Variants in STK32B observed in about 807,000 individuals in gnomAD.
STK32B encodes the protein serine/threonine-protein kinase 32B.
Under a neutral mutation model 52.6 loss-of-function variants are expected in STK32B, and 43 were observed. The ratio of observed to expected loss-of-function variants is 0.82; its 90% CI spans 0.64 to 1.05. The LOEUF (loss-of-function observed/expected upper bound fraction) is 1.05. Among genes scored for constraint, STK32B ranks in the 50% least tolerant of loss-of-function variants. STK32B has a pLI of 0.00. For synonymous variants in STK32B, 238 were observed against 204.3 expected, an observed-to-expected ratio of 1.17 and a Z score of -1.41; for missense variants, 621 against 534.6, an observed-to-expected ratio of 1.16 and a Z score of -1.59.
chr4:5,108,951 T>A (rs77732340), intron 1 of STK32B, among the ~76,000 whole-genome samples: 1 of 152,230 alleles, frequency 6.6e-6, no homozygotes, highest in South Asian at 2.1e-4. Context: ...GCAATTTCTA[T>A]GCAAACACTC....
intron 6 of STK32B, among the ~76,000 whole-genome samples, chr4:5,439,234 T>G (rs1714455559): frequency 2.8e-5 from 4 of 143,046 alleles, no homozygotes; most frequent in African/African-American, 1.0e-4. Context: ...GTGAAAGTGT[T>G]CCTATTTCTC....
intron 11 of STK32B, among the ~76,000 whole-genome samples, chr4:5,494,685 T>A (rs1198178742): frequency 2.0e-5 from 3 of 152,178 alleles, no homozygotes; most frequent in Admixed American, 1.3e-4. Flanking sequence ...GGTCTTTACA[T>A]TTTGGCATGA....
chr4:5,113,698 C>T (rs1051775139), intron 1 of STK32B, among the ~76,000 whole-genome samples: 11 of 152,168 alleles, frequency 7.2e-5, no homozygotes, highest in Admixed American at 4.6e-4. Flanking sequence ...TCAAAGCCTC[C>T]GCAGCCCCTC....
At chr4:5,182,272 G>A (rs570128539) in intron 3 of STK32B, among the ~76,000 whole-genome samples, 30 of 152,200 alleles carry the variant, frequency 2.0e-4, no homozygotes, top group African/African-American at 7.0e-4. Flanking sequence ...AGTCACCCCT[G>A]AAGGTTGAGT....
chr4:5,328,473 T>C (rs927689296), intron 3 of STK32B, among the ~76,000 whole-genome samples: 2 of 152,162 alleles, frequency 1.3e-5, no homozygotes, highest in Non-Finnish European at 2.9e-5. Flanking sequence ...TTGTTATGCC[T>C]CAGGGAATAG....
chr4:5,353,067 C>T (rs1183368223), intron 4 of STK32B, among the ~76,000 whole-genome samples: 1 of 151,910 alleles, frequency 6.6e-6, no homozygotes, highest in Non-Finnish European at 1.5e-5. Flanking sequence ...ACACATAGAT[C>T]AATGGGAAAA....
chr4:5,391,302 G>A (rs1736583497), intron 4 of STK32B, among the ~76,000 whole-genome samples: 1 of 152,066 alleles, frequency 6.6e-6, no homozygotes, highest in South Asian at 2.1e-4. Flanking sequence ...CTGGATTTAG[G>A]GCTCAGCCTA....
intron 6 of STK32B, among the ~76,000 whole-genome samples, chr4:5,418,131 G>A (rs983034435): frequency 3.3e-5 from 5 of 152,328 alleles, no homozygotes; most frequent in East Asian, 1.9e-4. Flanking sequence ...GATGCACTGG[G>A]GAACCATTAA....
intron 7 of STK32B, among the ~76,000 whole-genome samples, chr4:5,454,206 C>T (rs1716291548): frequency 6.6e-6 from 1 of 152,168 alleles, no homozygotes; most frequent in Admixed American, 6.5e-5. Flanking sequence ...AGTCAGCCAC[C>T]TCCTGGAGTG....
At chr4:5,032,476 C>CAAAAAAAAAAA in the STK32B span, among the ~76,000 whole-genome samples, 2 of 49,708 alleles carry the variant, frequency 4.0e-5, no homozygotes, top group Non-Finnish European at 7.0e-5. Flanking sequence ...GACTCCATCT[C>CAAAAAAAAAAA]AAAAAAAAAA....
In STK32B at chr4:5,407,073, C is replaced by T. The variant is rs142004178; in HGVS notation, c.472+8829C>T. Among the ~76,000 whole-genome samples the T allele has an allele frequency of 8.1e-3, 1,229 of 152,230 alleles. 18 individuals are homozygous for T. Among genetic ancestry groups the T allele is most frequent in the African/African-American group, 0.028 (1,162 of 41,504 alleles). ...GAATATAAACATAGGCTGTTAGAGG[C>T]AGCCAAGCCACATCTTGAACATTTT... On this transcript the variant is annotated intron_variant, in intron 5 of 11. Transcript: ENST00000282908.
intron 1 of STK32B, among the ~76,000 whole-genome samples, chr4:5,099,454 G>GCGTGCGCGCGCACGCGCGCGCGCA (rs1553823531): frequency 7.7e-6 from 1 of 129,744 alleles, no homozygotes; most frequent in African/African-American, 2.6e-5. Flanking sequence ...GTGTGTGCGC[G>GCGTGCGCGCGCACGCGCGCGCGCA]CGCGCGTATG....
rs1198525108 is a variant in STK32B at position 5,460,253 on chromosome 4, C to T, written c.909+25C>T. 3 of 1,596,590 alleles carry T rather than the reference C, an allele frequency of 1.9e-6. No individual in the cohort carries two copies. Among genetic ancestry groups the T allele is most frequent in the Non-Finnish European group, 2.6e-6 (3 of 1,171,198 alleles). On this transcript the variant is annotated intron_variant, in intron 9 of 11. Coordinates refer to ENST00000282908, the MANE Select transcript of STK32B (RefSeq NM_018401.3). This position sits in a 1 kb window ranked among gnomAD's most constrained non-coding sequence, Gnocchi z 4.8. ...TGTGAGTGGAAGTCCCACCTGATGTCATGCCACCCCTCTGCAGGGTCCCCG... is the reference window on the plus strand; with the variant it reads ...TGTGAGTGGAAGTCCCACCTGATGTTATGCCACCCCTCTGCAGGGTCCCCG...
chr4:5,292,019 G>C (rs1260761574), intron 3 of STK32B, among the ~76,000 whole-genome samples: 1 of 152,114 alleles, frequency 6.6e-6, no homozygotes, highest in Non-Finnish European at 1.5e-5. Flanking sequence ...GTCCACCACT[G>C]ATAGGCACTT....
At chr4:5,184,701 G>A (rs111466658) in intron 3 of STK32B, among the ~76,000 whole-genome samples, 22,256 of 102,478 alleles carry the variant, frequency 0.22, 2,316 homozygotes, top group East Asian at 0.35. Flanking sequence ...AAAAAAAGAA[G>A]AAGAAGAAGA....
chr4:5,125,269 T>A (rs752757473), intron 1 of STK32B, among the ~76,000 whole-genome samples: 7 of 152,246 alleles, frequency 4.6e-5, no homozygotes, highest in Non-Finnish European at 1.0e-4. Context: ...GTTTCTGACC[T>A]ACAGAACAGT....
intron 4 of STK32B, among the ~76,000 whole-genome samples, chr4:5,342,138 G>A (rs1733125076): frequency 6.6e-6 from 1 of 152,140 alleles, no homozygotes; most frequent in Non-Finnish European, 1.5e-5. Context: ...AAGACAGTGT[G>A]GCGATTCCTC....
Position 5,460,634 on chromosome 4 carries a change from G to A in STK32B, c.909+406G>A, listed in dbSNP as rs373138310. 1.7e-4 allele frequency among the ~76,000 whole-genome samples: 26 copies of A among 152,340 alleles called. No individual in the cohort carries two copies. The highest frequency in any genetic ancestry group is 1.2e-3 in the East Asian group (6 of 5,178). ...CTCGGAAGAGGGAGAGGTGGGATGG[G>A]AGGGGCAGAGGCAGGGGCTTCTTTT... On this transcript the variant is annotated intron_variant, in intron 9 of 11. Coordinates refer to ENST00000282908, the MANE Select transcript of STK32B (RefSeq NM_018401.3). This position sits in a 1 kb window ranked among gnomAD's most constrained non-coding sequence, Gnocchi z 4.8.
intron 3 of STK32B, among the ~76,000 whole-genome samples, chr4:5,173,193 C>G (rs977064151): frequency 1.3e-5 from 2 of 152,070 alleles, no homozygotes; most frequent in Non-Finnish European, 2.9e-5. Context: ...TTGGATTCTT[C>G]TCTCTTTTCT....
Sources: allele counts gnomAD v4.1 joint callset (sites outside exome capture counted in the v4.1 genomes callset), GRCh38; gene constraint gnomAD v4.1.1; non-coding constraint Gnocchi (gnomAD v3.1); transcripts MANE v1.5; gene names NCBI Gene and HGNC (gene_info 2026-07-23, HGNC 2026-07-21).